The following CPE variants were observed in gnomAD, a reference collection of about 807,000 sequenced individuals.
CPE encodes the protein carboxypeptidase E.
In CPE, 17 loss-of-function variants were observed where a neutral mutation model predicts 53.5. The ratio of observed to expected loss-of-function variants is 0.32; its 90% CI spans 0.22 to 0.48. CPE has a LOEUF of 0.48. CPE is among the 20% of genes least tolerant of loss of function. The probability of loss-of-function intolerance (pLI) is 0.99; values close to 1 mark genes in which losing one functional copy is unlikely to be tolerated. For missense variants in CPE, 524 were observed against 614.7 expected, an observed-to-expected ratio of 0.85 and a Z score of 1.56; for synonymous variants, 226 against 228.8, an observed-to-expected ratio of 0.99 and a Z score of 0.11.
Position 165,380,656 on chromosome 4 carries a change from C to A in CPE, c.307+1128C>A, listed in dbSNP as rs144728732. Among the ~76,000 whole-genome samples the A allele has an allele frequency of 3.9e-5, 6 of 152,084 alleles. No homozygotes were observed. The East Asian group carries it at 1.2e-3, about 29-fold the overall frequency. On this transcript the variant is annotated intron_variant, in intron 1 of 8. Transcript: ENST00000402744. ...GGGCCAGTATAGTTTTATAATGATACGTAAGAACCAAACTGAGAAGAGATT... is the reference window on the plus strand; with the variant it reads ...GGGCCAGTATAGTTTTATAATGATAAGTAAGAACCAAACTGAGAAGAGATT...
chr4:165,467,965 G>A, intron 3 of CPE, 110 bp downstream of exon 3: 1 of 1,194,848 alleles, frequency 8.4e-7, no homozygotes, highest in Non-Finnish European at 1.2e-6. Flanking sequence ...CTTGTATGGG[G>A]TGGTTAACTG....
At chr4:165,415,279 A>G (rs1035291649) in intron 1 of CPE, 3 of 167,000 alleles carry the variant, frequency 1.8e-5, no homozygotes, top group South Asian at 2.1e-4. Context: ...TGTAGGATCT[A>G]CTGTTATTCT....
rs149573987 is a variant in CPE at position 165,446,569 on chromosome 4, G to A, written c.308-17821G>A. Reference sequence around the variant, plus strand: ...GGTTGGAGTGCAGTGGCGTGATCACGACTCCTGAACTCAAGTGATCCACCT... The same window carrying A: ...GGTTGGAGTGCAGTGGCGTGATCACAACTCCTGAACTCAAGTGATCCACCT... On this transcript the variant is annotated intron_variant, in intron 1 of 8. Transcript: ENST00000402744. Among the ~76,000 whole-genome samples, 1,133 of 152,238 alleles carry A rather than the reference G, an allele frequency of 7.4e-3. 2 individuals carry two copies. Among genetic ancestry groups the A allele is most frequent in the Middle Eastern group, 0.014 (4 of 294 alleles).
At chr4:165,496,126 A>G (rs1732702429) in intron 8 of CPE, among the ~76,000 whole-genome samples, 1 of 152,142 alleles carries the variant, frequency 6.6e-6, no homozygotes, top group African/African-American at 2.4e-5. Context: ...ACCATATCTT[A>G]TTTAAGTAGA....
intron 1 of CPE, among the ~76,000 whole-genome samples, chr4:165,422,237 TATC>T (rs1166898182): frequency 1.1e-4 from 17 of 152,042 alleles, no homozygotes; most frequent in Non-Finnish European, 2.1e-4. Flanking sequence ...ATTTCATCAT[TATC>T]ATTATCACTT....
At chr4:165,456,281 C>T (rs1390355790) in intron 1 of CPE, among the ~76,000 whole-genome samples, 3 of 152,068 alleles carry the variant, frequency 2.0e-5, no homozygotes, top group African/African-American at 7.2e-5. Flanking sequence ...GATATACTCT[C>T]GTGAGTCAGT....
At chr4:165,471,756 T>G (rs547343943) in intron 3 of CPE, among the ~76,000 whole-genome samples, 1 of 152,262 alleles carries the variant, frequency 6.6e-6, no homozygotes, top group South Asian at 2.1e-4. Context: ...TCCCCATGGA[T>G]CAGGAACCCT....
At chr4:165,446,561 G>T (rs774271778) in intron 1 of CPE, among the ~76,000 whole-genome samples, 3 of 152,170 alleles carry the variant, frequency 2.0e-5, no homozygotes, top group Non-Finnish European at 4.4e-5. Flanking sequence ...GTGCAGTGGC[G>T]TGATCACGAC....
intron 1 of CPE, among the ~76,000 whole-genome samples, chr4:165,411,851 A>T (rs1579249528): frequency 6.6e-6 from 1 of 152,146 alleles, no homozygotes; most frequent in Non-Finnish European, 1.5e-5. Context: ...GTGGCTGGTG[A>T]TGGAGGCGAA....
chr4:165,473,667 G>A (rs1420401222), intron 3 of CPE, among the ~76,000 whole-genome samples: 1 of 152,140 alleles, frequency 6.6e-6, no homozygotes, highest in African/African-American at 2.4e-5. Context: ...ATATTAATCA[G>A]GCACCCATCT....
At chr4:165,464,668 C>A in intron 2 of CPE, 82 bp downstream of exon 2, 1 of 1,243,760 alleles carries the variant, frequency 8.0e-7, no homozygotes, top group Non-Finnish European at 1.1e-6. Flanking sequence ...AAAAATTATG[C>A]CCTCGCACAA....
chr4:165,429,336 T>C (rs1731371066), intron 1 of CPE, among the ~76,000 whole-genome samples: 1 of 152,236 alleles, frequency 6.6e-6, no homozygotes, highest in South Asian at 2.1e-4. Context: ...CTATTTTTAA[T>C]AATTTTGGAA....
intron 1 of CPE, among the ~76,000 whole-genome samples, chr4:165,439,564 T>A (rs2126684200): frequency 6.6e-6 from 1 of 151,906 alleles, no homozygotes; most frequent in Admixed American, 6.6e-5. Context: ...TGAAGCTTTT[T>A]TTTTTTTAAT....
chr4:165,482,792 C>A (rs796287912), intron 4 of CPE, among the ~76,000 whole-genome samples: 8 of 152,260 alleles, frequency 5.3e-5, no homozygotes, highest in African/African-American at 1.9e-4. Context: ...CACAGTTTTG[C>A]ATTTGGAACT....
chr4:165,417,447 T>A (rs895474778), intron 1 of CPE, among the ~76,000 whole-genome samples: 1 of 152,234 alleles, frequency 6.6e-6, no homozygotes, highest in African/African-American at 2.4e-5. Flanking sequence ...ATACTTCTAT[T>A]TTACAGATGA....
At chr4:165,435,558 T>C (rs1731485869) in intron 1 of CPE, among the ~76,000 whole-genome samples, 1 of 152,224 alleles carries the variant, frequency 6.6e-6, no homozygotes, top group African/African-American at 2.4e-5. Flanking sequence ...TGTAATAAGT[T>C]AGTATAATTC....
chr4:165,497,968 T>C lies in CPE; in HGVS notation c.*358T>C, dbSNP rs1438276058. On this transcript the variant is annotated 3_prime_UTR_variant, in exon 9 of 9. Coordinates refer to ENST00000402744, the MANE Select transcript of CPE (RefSeq NM_001873.4). ...AATTAGTGAAGTTCTTTTACTGTAA[T>C]TGGTGACAATGTCACATAATGAATG... 2 of 154,288 alleles carry C rather than the reference T, an allele frequency of 1.3e-5. No individual in the cohort carries two copies. The highest frequency in any genetic ancestry group is 6.5e-5 in the Admixed American group (1 of 15,332). The allele number at this position is 154,288 out of a possible 1,614,324, so 9.6% of individuals were successfully genotyped here.
intron 1 of CPE, chr4:165,415,067 C>T (rs1315310962): frequency 6.1e-6 from 1 of 164,416 alleles, no homozygotes; most frequent in East Asian, 1.9e-4. Flanking sequence ...TCCTCCTTAG[C>T]CTTGCTGCTG....
At chr4:165,389,588 A>C (rs956762233) in intron 1 of CPE, among the ~76,000 whole-genome samples, 10 of 152,214 alleles carry the variant, frequency 6.6e-5, no homozygotes, top group African/African-American at 2.2e-4. Flanking sequence ...GTTGTGCTGG[A>C]GTTGTCTTCC....
Sources: gnomAD v4.1 joint callset for allele counts (sites outside exome capture counted in the v4.1 genomes callset) on GRCh38, gnomAD v4.1.1 for gene constraint, MANE v1.5 for transcripts, NCBI Gene and HGNC (gene_info 2026-07-23, HGNC 2026-07-21) for gene names.